Variants in KCNMA1 observed in about 807,000 individuals in gnomAD.
KCNMA1 encodes the protein Calcium-activated potassium channel subunit alpha-1.
Under a neutral mutation model 140.0 loss-of-function variants are expected in KCNMA1, and 29 were observed. The ratio of observed to expected loss-of-function variants is 0.21; its 90% CI spans 0.15 to 0.28. The LOEUF is 0.28. Among genes scored for constraint, KCNMA1 ranks in the 10% least tolerant of loss-of-function variants. The probability of loss-of-function intolerance (pLI) is 1.00; values close to 1 mark genes in which losing one functional copy is unlikely to be tolerated. For missense variants in KCNMA1, 880 were observed against 1,602.2 expected (o/e 0.55, Z 7.70); for synonymous variants, 612 against 611.9 (o/e 1.00, Z 0.00).
chr10:77,166,059 C>A (rs932175320), intron 5 of KCNMA1, among the ~76,000 whole-genome samples: 1 of 152,148 alleles, frequency 6.6e-6, no homozygotes, highest in Admixed American at 6.5e-5. Flanking sequence ...GAAAAGCTGG[C>A]GACACTTGTG....
intron 1 of KCNMA1, among the ~76,000 whole-genome samples, chr10:77,551,339 T>G (rs1214809465): frequency 6.6e-6 from 1 of 152,218 alleles, no homozygotes; most frequent in East Asian, 1.9e-4. Flanking sequence ...TCATCATATG[T>G]CACAGACAGA....
At chr10:77,166,471 T>C (rs77200777) in intron 5 of KCNMA1, among the ~76,000 whole-genome samples, 6,600 of 152,072 alleles carry the variant, frequency 0.043, 449 homozygotes, top group African/African-American at 0.15. Context: ...GAGGTTCCTG[T>C]CTCAAGCAGA....
chr10:77,047,938 G>A (rs1164584267), intron 14 of KCNMA1, among the ~76,000 whole-genome samples: 2 of 151,996 alleles, frequency 1.3e-5, no homozygotes, highest in Non-Finnish European at 2.9e-5. Flanking sequence ...TGAGGTGAGG[G>A]ACCAGGGTTT....
chr10:77,223,936 G>A (rs954734173), intron 3 of KCNMA1, among the ~76,000 whole-genome samples: 1 of 152,136 alleles, frequency 6.6e-6, no homozygotes, highest in Non-Finnish European at 1.5e-5. Context: ...CAGAACAGAG[G>A]AGCCTCTTCC....
At chr10:77,615,729 C>T (rs1317827184) in intron 1 of KCNMA1, among the ~76,000 whole-genome samples, 1 of 152,104 alleles carries the variant, frequency 6.6e-6, no homozygotes, top group Non-Finnish European at 1.5e-5. Flanking sequence ...TTTCTCACCC[C>T]ATTTTCCTCC....
At chr10:77,532,248 G>A (rs539749216) in intron 1 of KCNMA1, among the ~76,000 whole-genome samples, 16 of 152,364 alleles carry the variant, frequency 1.1e-4, no homozygotes, top group African/African-American at 3.8e-4. Flanking sequence ...GCCAACTGCA[G>A]GAGGATCCCC....
chr10:77,366,232 G>A lies in KCNMA1; in HGVS notation c.540+37630C>T, dbSNP rs377703496. Among the ~76,000 whole-genome samples, 10 of 150,844 alleles carry A rather than the reference G, an allele frequency of 6.6e-5. No individual in the cohort carries two copies. The East Asian group carries it at 9.8e-4, about 15-fold the overall frequency. On this transcript the variant is annotated intron_variant, in intron 2 of 27. Coordinates refer to ENST00000286628, the MANE Select transcript of KCNMA1 (RefSeq NM_001161352.2). The stretch of plus-strand genomic sequence containing the variant: ...CACCCATGCTGGAGTGCAATGGCAC[G>A]ATCTCAGCTCACTGCCACCTCCGCC...
At chr10:77,110,111 A>G in intron 8 of KCNMA1, 62 bp downstream of exon 8, 1 of 1,379,892 alleles carries the variant, frequency 7.2e-7, no homozygotes, top group Non-Finnish European at 1.0e-6. Context: ...CTTTAAGGAA[A>G]TGTATCATGG....
At chr10:77,330,494 G>C (rs2085956189) in intron 2 of KCNMA1, among the ~76,000 whole-genome samples, 1 of 152,194 alleles carries the variant, frequency 6.6e-6, no homozygotes, top group Non-Finnish European at 1.5e-5. Flanking sequence ...GCCTCCAGGA[G>C]TCAGGATGAA....
intron 1 of KCNMA1, among the ~76,000 whole-genome samples, chr10:77,514,295 G>A (rs548645271): frequency 2.0e-5 from 3 of 152,282 alleles, no homozygotes; most frequent in South Asian, 4.1e-4. Flanking sequence ...CAAACACCAC[G>A]CCCTAGAAAA....
At chr10:76,871,553 A>C (rs1023803710) in exon 28 of KCNMA1, 1 of 152,242 alleles carries the variant, frequency 6.6e-6, no homozygotes. Context: ...TGATCTTTCC[A>C]ATATATGTGT....
chr10:77,198,095 T>C (rs918942215), intron 3 of KCNMA1, among the ~76,000 whole-genome samples: 2 of 152,298 alleles, frequency 1.3e-5, no homozygotes, highest in South Asian at 4.1e-4. Context: ...TGAGAGTTTT[T>C]AACATCAACC....
At chr10:77,427,092 C>T (rs202172832) in intron 1 of KCNMA1, among the ~76,000 whole-genome samples, 12 of 152,300 alleles carry the variant, frequency 7.9e-5, no homozygotes, top group African/African-American at 2.6e-4. Flanking sequence ...CTAGCACATG[C>T]AATTTCTGAG....
intron 3 of KCNMA1, among the ~76,000 whole-genome samples, chr10:77,231,896 T>G (rs1188706098): frequency 6.6e-6 from 1 of 152,216 alleles, no homozygotes; most frequent in African/African-American, 2.4e-5. Flanking sequence ...TTTAAAACAC[T>G]TTCATCACCT....
At chr10:77,067,170 T>C (rs1375714816) in intron 14 of KCNMA1, among the ~76,000 whole-genome samples, 1 of 152,178 alleles carries the variant, frequency 6.6e-6, no homozygotes, top group East Asian at 1.9e-4. Flanking sequence ...TAAAGCAGAT[T>C]GCTCCCCCAA....
At chr10:77,606,934 G>A (rs117165411) in intron 1 of KCNMA1, among the ~76,000 whole-genome samples, 1,937 of 152,296 alleles carry the variant, frequency 0.013, 24 homozygotes, top group Non-Finnish European at 0.018. Context: ...GCCCTTGGTA[G>A]TGGCCTTACT....
rs368705126 is a variant in KCNMA1 at position 76,926,720 on chromosome 10, G to T, written c.2903-11671C>A. 3.3e-5 allele frequency among the ~76,000 whole-genome samples: 5 copies of T among 152,254 alleles called. No homozygotes were observed. In the East Asian group the frequency reaches 9.7e-4, roughly 29 times the overall value. On this transcript the variant is annotated intron_variant, in intron 23 of 27. Transcript: ENST00000286628. ...CTACTCAATATTCAGGAATGTCTGT[G>T]GAGTCATTCATGGGGTTGTTCTTTT...
intron 14 of KCNMA1, among the ~76,000 whole-genome samples, chr10:77,069,783 G>T (rs768572538): frequency 1.3e-5 from 2 of 152,122 alleles, no homozygotes; most frequent in Non-Finnish European, 2.9e-5. Flanking sequence ...GGCCTCTTTT[G>T]TAATTCCTGT....
chr10:76,898,429 G>T (rs1457726729), intron 25 of KCNMA1, among the ~76,000 whole-genome samples: 3 of 151,384 alleles, frequency 2.0e-5, no homozygotes, highest in South Asian at 4.2e-4. Flanking sequence ...GCTTTTACAG[G>T]CCAAATAGAT....
Sources: allele counts gnomAD v4.1 joint callset (sites outside exome capture counted in the v4.1 genomes callset), GRCh38; gene constraint gnomAD v4.1.1; transcripts MANE v1.5; gene names NCBI Gene and HGNC (gene_info 2026-07-23, HGNC 2026-07-21).